The following FHIT variants were observed in gnomAD, a reference collection of about 807,000 sequenced individuals.
FHIT encodes fragile histidine triad diadenosine triphosphatase.
FHIT carries 19 observed loss-of-function variants against 17.9 expected under a neutral mutation model. The observed-to-expected ratio is 1.06, with a 90% confidence interval of 0.74 to 1.56. FHIT has a LOEUF of 1.56. Ranked by LOEUF, FHIT falls within the 40% of genes most tolerant of loss-of-function variation. FHIT has a pLI of 0.00. For missense variants in FHIT, 248 were observed against 189.2 expected (o/e 1.31, Z -1.82); for synonymous variants, 81 against 69.7 (o/e 1.16, Z -0.81).
rs182881615 is a variant in FHIT, at chr3:61,151,303, T to A, written c.-164+49314A>T. Among the ~76,000 whole-genome samples the A allele has an allele frequency of 4.5e-4, 68 of 152,326 alleles. No homozygotes were observed. In the East Asian group the frequency reaches 0.012, roughly 26 times the overall value. On this transcript the variant is annotated intron_variant, in intron 2 of 9. Transcript: ENST00000492590. ...AACACCACTCAGTCCCTTTTCATAATATAGGGAATGACTCTGCAGCTACCC... is the reference window on the plus strand; with the variant it reads ...AACACCACTCAGTCCCTTTTCATAAAATAGGGAATGACTCTGCAGCTACCC...
chr3:60,956,892 G>T (rs1553779093), intron 3 of FHIT, among the ~76,000 whole-genome samples: 1 of 149,700 alleles, frequency 6.7e-6, no homozygotes, highest in East Asian at 1.9e-4. Context: ...TACAAAAAAT[G>T]AATTGTGAAT....
intron 5 of FHIT, among the ~76,000 whole-genome samples, chr3:60,263,757 T>C (rs965108346): frequency 1.3e-5 from 2 of 151,946 alleles, no homozygotes; most frequent in African/African-American, 4.8e-5. Flanking sequence ...ATGTAAATTT[T>C]ATGTGTGTTG....
intron 1 of FHIT, among the ~76,000 whole-genome samples, chr3:61,247,192 C>G (rs2040507873): frequency 6.6e-6 from 1 of 152,248 alleles, no homozygotes; most frequent in South Asian, 2.1e-4. Flanking sequence ...ATACTGAGGG[C>G]CTCCGCTGTT....
intron 5 of FHIT, among the ~76,000 whole-genome samples, chr3:60,333,017 T>C (rs568878948): frequency 1.3e-5 from 2 of 152,272 alleles, no homozygotes; most frequent in South Asian, 2.1e-4. Flanking sequence ...GGTAATAAAG[T>C]ATAAATGAGA....
At chr3:60,994,681 A>C (rs1204016299) in intron 3 of FHIT, among the ~76,000 whole-genome samples, 1 of 152,202 alleles carries the variant, frequency 6.6e-6, no homozygotes, top group Non-Finnish European at 1.5e-5. Flanking sequence ...CGGAAGGGAC[A>C]TTGAGACCAA....
intron 5 of FHIT, among the ~76,000 whole-genome samples, chr3:60,302,296 TG>T (rs1708487531): frequency 6.6e-6 from 1 of 152,120 alleles, no homozygotes; most frequent in African/African-American, 2.4e-5. Context: ...CAGTGTGGGA[TG>T]CCCTTCTCCC....
chr3:60,182,733 T>C (rs755980857), intron 5 of FHIT, among the ~76,000 whole-genome samples: 3 of 151,884 alleles, frequency 2.0e-5, no homozygotes, highest in Non-Finnish European at 4.4e-5. Flanking sequence ...CAGTGAGCTA[T>C]GATGGCACCA....
intron 5 of FHIT, among the ~76,000 whole-genome samples, chr3:60,161,727 G>A (rs2107367231): frequency 6.6e-6 from 1 of 152,080 alleles, no homozygotes; most frequent in East Asian, 1.9e-4. Flanking sequence ...AAATAAACAA[G>A]CAGGTGTGTG....
At chr3:60,599,753 A>G (rs1372539780) in intron 4 of FHIT, among the ~76,000 whole-genome samples, 3 of 151,914 alleles carry the variant, frequency 2.0e-5, no homozygotes, top group African/African-American at 7.2e-5. Context: ...ACTGTCCCAC[A>G]TCAATGAGAA....
intron 5 of FHIT, among the ~76,000 whole-genome samples, chr3:60,297,143 T>C (rs1708249400): frequency 1.3e-5 from 2 of 152,112 alleles, no homozygotes; most frequent in African/African-American, 4.8e-5. Context: ...CCTTTACATA[T>C]GAATTTCAGG....
At chr3:59,922,535 A>G (rs1315561930) in intron 7 of FHIT, 121 bp from the exon 8 acceptor site, 2 of 803,020 alleles carry the variant, frequency 2.5e-6, no homozygotes, top group Non-Finnish European at 4.0e-6. Flanking sequence ...TATTTTTCAG[A>G]GGAAGTTGAT....
intron 2 of FHIT, among the ~76,000 whole-genome samples, chr3:61,105,948 G>A (rs2106870244): frequency 6.6e-6 from 1 of 152,276 alleles, no homozygotes; most frequent in East Asian, 1.9e-4. Context: ...TTTTCCAATG[G>A]TTTTAAATGG....
intron 4 of FHIT, among the ~76,000 whole-genome samples, chr3:60,644,651 A>AT (rs1240919135): frequency 1.5e-4 from 23 of 152,282 alleles, no homozygotes; most frequent in Admixed American, 1.4e-3. Context: ...TTGCCCTTGG[A>AT]TAAAAACTAC....
intron 5 of FHIT, among the ~76,000 whole-genome samples, chr3:60,097,865 G>GC (rs1400915186): frequency 1.2e-5 from 1 of 84,922 alleles, no homozygotes; most frequent in African/African-American, 4.9e-5. Flanking sequence ...CCCTCCCCCC[G>GC]CCCCCCACCC....
At chr3:59,915,261 C>G (rs1388546261) in intron 8 of FHIT, among the ~76,000 whole-genome samples, 1 of 152,118 alleles carries the variant, frequency 6.6e-6, no homozygotes, top group Non-Finnish European at 1.5e-5. Flanking sequence ...AAGCCTGATT[C>G]GTGAAATAAT....
chr3:60,227,387 C>A (rs1322371637), intron 5 of FHIT, among the ~76,000 whole-genome samples: 1 of 152,176 alleles, frequency 6.6e-6, no homozygotes, highest in Non-Finnish European at 1.5e-5. Context: ...AAAATATTTT[C>A]ATTACCCAAG....
chr3:60,373,759 C>T (rs938529626), intron 5 of FHIT, among the ~76,000 whole-genome samples: 2 of 152,280 alleles, frequency 1.3e-5, no homozygotes, highest in East Asian at 3.9e-4. Flanking sequence ...CTTACAACGT[C>T]TATCTAACCA....
intron 5 of FHIT, among the ~76,000 whole-genome samples, chr3:60,214,450 G>A (rs1019093330): frequency 6.6e-5 from 10 of 151,976 alleles, no homozygotes; most frequent in African/African-American, 1.9e-4. Context: ...TATTTAGGCC[G>A]TGCTTATCAG....
intron 2 of FHIT, among the ~76,000 whole-genome samples, chr3:61,087,124 C>A (rs1251496564): frequency 6.6e-6 from 1 of 152,160 alleles, no homozygotes; most frequent in African/African-American, 2.4e-5. Flanking sequence ...TTCAAAGAGG[C>A]CTTCTCAAGA....
Sources: allele counts gnomAD v4.1 joint callset (sites outside exome capture counted in the v4.1 genomes callset), GRCh38; gene constraint gnomAD v4.1.1; transcripts MANE v1.5; gene names NCBI Gene and HGNC (gene_info 2026-07-23, HGNC 2026-07-21).